CYSLTR1: variants seen among roughly 807,000 people sequenced by gnomAD.
The protein encoded by CYSLTR1 is G-protein coupled receptor HG55.
A neutral mutation model predicts 2.1 loss-of-function variants in CYSLTR1; 1 was observed. The observed-to-expected ratio is 0.48, with a 90% confidence interval of 0.17 to 2.28. The LOEUF (loss-of-function observed/expected upper bound fraction) is 2.28. Among genes scored for constraint, CYSLTR1 ranks in the 30% most tolerant of loss-of-function variants. The probability of loss-of-function intolerance (pLI) is 0.26; values close to 1 mark genes in which losing one functional copy is unlikely to be tolerated. For synonymous variants in CYSLTR1, 110 were observed against 89.6 expected, an observed-to-expected ratio of 1.23 and a Z score of -1.28; for missense variants, 299 against 250.1, an observed-to-expected ratio of 1.20 and a Z score of -1.32.
intron 2 of CYSLTR1, among the ~76,000 whole-genome samples, chrX:78,275,930 A>G (rs1307462026): frequency 8.9e-6 from 1 of 111,747 alleles, no homozygotes; most frequent in Non-Finnish European, 1.9e-5. Flanking sequence ...GAAACCTTAG[A>G]AGCCATATAG....
In CYSLTR1 at chrX:78,307,565, G is replaced by A. The variant is rs147131270; in HGVS notation, c.-115+19740C>T. ...TTGATAAACTGAAAATCAATGAATT[G>A]GTAACCTAATCAAGAAATGAAATCC... On this transcript the variant is annotated intron_variant, in intron 1 of 2. Transcript: ENST00000373304. 3.9e-3 allele frequency among the ~76,000 whole-genome samples: 431 copies of A among 111,672 alleles called. 1 individual carries two copies. The highest frequency in any genetic ancestry group is 0.014 in the African/African-American group (415 of 30,726).
At chrX:78,313,864 G>A (rs1022907820) in intron 1 of CYSLTR1, among the ~76,000 whole-genome samples, 4 of 111,882 alleles carry the variant, frequency 3.6e-5, no homozygotes, top group Non-Finnish European at 7.5e-5. Flanking sequence ...GGGTAGAGAG[G>A]AGAACTGTCT....
intron 1 of CYSLTR1, among the ~76,000 whole-genome samples, chrX:78,290,120 A>T (rs1922256578): frequency 8.9e-6 from 1 of 112,032 alleles, no homozygotes; most frequent in Non-Finnish European, 1.9e-5. Flanking sequence ...TCTTTAATCC[A>T]TCTTAATTAC....
intron 1 of CYSLTR1, among the ~76,000 whole-genome samples, chrX:78,288,672 G>T (rs1177331740): frequency 9.0e-6 from 1 of 111,361 alleles, no homozygotes; most frequent in Admixed American, 9.5e-5. Flanking sequence ...GAAGAATGGG[G>T]TATCTTTCTC....
At chrX:78,306,997 T>A (rs2147268788) in intron 1 of CYSLTR1, among the ~76,000 whole-genome samples, 1 of 112,079 alleles carries the variant, frequency 8.9e-6, no homozygotes, top group South Asian at 3.7e-4. Flanking sequence ...TTACAAGGAT[T>A]AAAACTTTTA....
intron 1 of CYSLTR1, among the ~76,000 whole-genome samples, chrX:78,309,127 G>A (rs1923132179): frequency 9.0e-6 from 1 of 111,532 alleles, no homozygotes; most frequent in African/African-American, 3.3e-5. Context: ...TCAAATACCA[G>A]TCAAGAAATG....
Position 78,272,771 on chromosome X carries a change from A to G in CYSLTR1, c.976T>C (p.Ser326Pro). ...ATTTCTTCTCCTTTTTCTGGCAAAGAGGCCTTCTTTCTGGGTACATAAGTC... is the reference window on the plus strand; with the variant it reads ...ATTTCTTCTCCTTTTTCTGGCAAAGGGGCCTTCTTTCTGGGTACATAAGTC... ...SVTYVPRKKA[S>P]LPEKGEEICK... The change falls in exon 3 of 3, where the codon TCT (serine) becomes CCT (proline). Residue 326 changes from serine (S) to proline (P), a missense_variant. By Grantham distance (74) the Ser-to-Pro change is moderately conservative. Coordinates refer to ENST00000373304, the MANE Select transcript of CYSLTR1 (RefSeq NM_006639.4). 8.3e-7 allele frequency: 1 copy of G among 1,204,158 alleles called. No homozygotes were observed. The highest frequency in any genetic ancestry group is 1.1e-6 in the Non-Finnish European group (1 of 892,307).
At chrX:78,318,721 T>A (rs1923517189) in intron 1 of CYSLTR1, among the ~76,000 whole-genome samples, 1 of 111,469 alleles carries the variant, frequency 9.0e-6, no homozygotes, top group African/African-American at 3.3e-5. Context: ...CTCTTCAAAA[T>A]TAACTTCCCC....
At chrX:78,307,393 T>C (rs1431191945) in intron 1 of CYSLTR1, among the ~76,000 whole-genome samples, 1 of 111,662 alleles carries the variant, frequency 9.0e-6, no homozygotes, top group African/African-American at 3.3e-5. Context: ...TGACACATGG[T>C]CTTATTATCT....
At chrX:78,302,072 C>T (rs1252846444) in intron 1 of CYSLTR1, among the ~76,000 whole-genome samples, 1 of 112,129 alleles carries the variant, frequency 8.9e-6, no homozygotes, top group Non-Finnish European at 1.9e-5. Context: ...CACCAGGTTC[C>T]TCCCACGACA....
At chrX:78,290,634 A>G (rs967148344) in intron 1 of CYSLTR1, among the ~76,000 whole-genome samples, 1 of 111,513 alleles carries the variant, frequency 9.0e-6, no homozygotes, top group Non-Finnish European at 1.9e-5. Flanking sequence ...TATTTCATTG[A>G]GCAGTGGTTT....
rs199895341 is a variant in CYSLTR1, at chrX:78,273,653, T to C, written c.94A>G (p.Met32Val). ...RNQVYSTLYS[M>V]ISVVGFFGNG... ...CCAAAGAAGCCTACAACAGAGATCA[T>C]AGAGTACAAGGTGGAATACACTTGA... The change falls in exon 3 of 3, where the codon ATG (methionine) becomes GTG (valine). Residue 32 changes from methionine to valine, a missense_variant. Physicochemically the swap from Met to Val is conservative, Grantham distance 21 (BLOSUM62 1). Transcript: ENST00000373304. The C allele has an allele frequency of 4.1e-6, 5 of 1,211,530 alleles. No homozygotes were observed. Among genetic ancestry groups the C allele is most frequent in the Non-Finnish European group, 5.6e-6 (5 of 895,372 alleles).
chrX:78,313,860 AGAG>A (rs1161851849), intron 1 of CYSLTR1, among the ~76,000 whole-genome samples: 1 of 112,037 alleles, frequency 8.9e-6, no homozygotes, highest in Non-Finnish European at 1.9e-5. Context: ...TAGGGGGTAG[AGAG>A]GAGAACTGTC....
At chrX:78,301,703 C>G (rs956038267) in intron 1 of CYSLTR1, among the ~76,000 whole-genome samples, 1 of 112,029 alleles carries the variant, frequency 8.9e-6, no homozygotes, top group Non-Finnish European at 1.9e-5. Context: ...CTGTTTCAAC[C>G]TCTGCCTGTT....
intron 1 of CYSLTR1, among the ~76,000 whole-genome samples, chrX:78,324,285 C>T (rs138557266): frequency 7.1e-5 from 8 of 112,642 alleles, no homozygotes; most frequent in Non-Finnish European, 1.5e-4. Context: ...AAAGGAATGG[C>T]TTTCTTTATT....
intron 1 of CYSLTR1, among the ~76,000 whole-genome samples, chrX:78,303,447 T>C (rs1288582753): frequency 9.1e-6 from 1 of 109,793 alleles, no homozygotes; most frequent in Non-Finnish European, 1.9e-5. Context: ...GTTGTTAAAT[T>C]GGTGTCCTTG....
chrX:78,313,889 C>T (rs142719765), intron 1 of CYSLTR1, among the ~76,000 whole-genome samples: 1,830 of 111,422 alleles, frequency 0.016, 21 homozygotes, highest in Non-Finnish European at 0.028. Flanking sequence ...GGTTGACAGA[C>T]GATGTGAATA....
intron 1 of CYSLTR1, among the ~76,000 whole-genome samples, chrX:78,290,400 C>A (rs1922271086): frequency 2.7e-5 from 3 of 111,728 alleles, no homozygotes; most frequent in Non-Finnish European, 5.6e-5. Flanking sequence ...TAGTGTGATG[C>A]CTCCAGCTTT....
chrX:78,293,309 A>G (rs1431750641), intron 1 of CYSLTR1, among the ~76,000 whole-genome samples: 2 of 110,445 alleles, frequency 1.8e-5, no homozygotes, highest in African/African-American at 6.6e-5. Flanking sequence ...ATTGGCCCCC[A>G]CTCTCTTCTG....
Sources: allele counts gnomAD v4.1 joint callset (sites outside exome capture counted in the v4.1 genomes callset), GRCh38; gene constraint gnomAD v4.1.1; transcripts MANE v1.5; gene names NCBI Gene and HGNC (gene_info 2026-07-23, HGNC 2026-07-21).